Variants in HS2ST1 observed in about 807,000 individuals in gnomAD.
HS2ST1 encodes 2-O-sulfotransferase.
A neutral mutation model predicts 42.9 loss-of-function variants in HS2ST1; 18 were observed. The observed-to-expected ratio is 0.42, with a 90% CI of 0.29 to 0.62. The LOEUF (loss-of-function observed/expected upper bound fraction) is 0.62. Ranked by LOEUF, HS2ST1 falls within the 20% of genes least tolerant of loss-of-function variation. HS2ST1 has a pLI of 0.21. For synonymous variants in HS2ST1, 146 were observed against 152.9 expected, an observed-to-expected ratio of 0.95 and a Z score of 0.33; for missense variants, 334 against 433.8, an observed-to-expected ratio of 0.77 and a Z score of 2.04.
At chr1:86,984,995 G>T (rs1648713803) in intron 1 of HS2ST1, among the ~76,000 whole-genome samples, 1 of 151,376 alleles carries the variant, frequency 6.6e-6, no homozygotes, top group South Asian at 2.1e-4. Context: ...AAAGTATCCT[G>T]TTAGCATTTA....
intron 1 of HS2ST1, among the ~76,000 whole-genome samples, chr1:87,008,006 G>C (rs1649491068): frequency 6.6e-6 from 1 of 152,018 alleles, no homozygotes; most frequent in South Asian, 2.1e-4. Flanking sequence ...GGTATATAGT[G>C]GGTATAAAAT....
intron 5 of HS2ST1, among the ~76,000 whole-genome samples, chr1:87,101,149 GTTT>G (rs1177785858): frequency 4.7e-4 from 28 of 59,556 alleles, no homozygotes; most frequent in African/African-American, 1.8e-3. Flanking sequence ...GTGTGTGTGT[GTTT>G]TTTGTTTTTT....
chr1:86,963,861 G>T (rs1570450088), intron 1 of HS2ST1, among the ~76,000 whole-genome samples: 1 of 148,774 alleles, frequency 6.7e-6, no homozygotes, highest in South Asian at 2.1e-4. Flanking sequence ...CGCCCGGACG[G>T]GGTGGCTGGC....
intron 1 of HS2ST1, among the ~76,000 whole-genome samples, chr1:86,945,701 G>A (rs1647311903): frequency 1.3e-5 from 2 of 152,154 alleles, no homozygotes; most frequent in South Asian, 4.1e-4. Flanking sequence ...GGCATCGGAA[G>A]AACTTCAAAT....
At chr1:87,092,440 C>A in intron 3 of HS2ST1, 91 bp from the exon 4 acceptor site, 2 of 713,648 alleles carry the variant, frequency 2.8e-6, no homozygotes, top group South Asian at 4.4e-5. Flanking sequence ...CCTTATAGGA[C>A]CAGTACTTCA....
At chr1:86,974,142 T>C (rs1019910220) in intron 1 of HS2ST1, among the ~76,000 whole-genome samples, 2 of 152,092 alleles carry the variant, frequency 1.3e-5, no homozygotes, top group African/African-American at 4.8e-5. Context: ...TCTAATGGGG[T>C]GACACTTGGG....
At chr1:87,045,734 A>C (rs1186095309) in intron 1 of HS2ST1, 2 of 899,632 alleles carry the variant, frequency 2.2e-6, no homozygotes, top group Non-Finnish European at 3.7e-6. Context: ...TATCAAATCT[A>C]CTCTTCATAT....
At position 87,072,468 on chromosome 1, in the gene HS2ST1, A is replaced by G. The variant is rs184426511; in HGVS notation, c.125-466A>G. ...TAATTTCTCTTTTAAGTGCATTTTT[A>G]TACTGTGAAGTTTAGTATTCCATGC... On this transcript the variant is annotated intron_variant, in intron 1 of 6. Transcript: ENST00000370550. 8.8e-5 allele frequency among the ~76,000 whole-genome samples: 13 copies of G among 148,032 alleles called. No individual in the cohort carries two copies. In the East Asian group the frequency reaches 2.7e-3, roughly 30 times the overall value.
At chr1:87,038,733 T>C (rs756412316) in intron 1 of HS2ST1, among the ~76,000 whole-genome samples, 5 of 152,160 alleles carry the variant, frequency 3.3e-5, no homozygotes, top group African/African-American at 4.8e-5. Flanking sequence ...TGTTTTAACT[T>C]ACATATACGT....
chr1:86,959,270 C>A (rs765461346), intron 1 of HS2ST1, among the ~76,000 whole-genome samples: 2 of 152,088 alleles, frequency 1.3e-5, no homozygotes. Flanking sequence ...AAAGGTATAC[C>A]GATTGAGAAG....
chr1:87,033,289 A>G (rs1239041080), intron 1 of HS2ST1, among the ~76,000 whole-genome samples: 1 of 152,200 alleles, frequency 6.6e-6, no homozygotes, highest in Non-Finnish European at 1.5e-5. Flanking sequence ...CCTCAAGGGA[A>G]TTATCAAAAC....
intron 1 of HS2ST1, among the ~76,000 whole-genome samples, chr1:87,028,299 C>T (rs545745219): frequency 2.5e-4 from 38 of 152,338 alleles, no homozygotes; most frequent in African/African-American, 8.7e-4. Context: ...GACTCAAGGC[C>T]AACTCAGAGC....
In HS2ST1 at chr1:87,084,177, G is replaced by A; in HGVS notation, c.364-17G>A. 6.8e-7 allele frequency: 1 copy of A among 1,475,112 alleles called. No homozygotes were observed. The allele number at this position is 1,475,112 out of a possible 1,614,324, so 91.4% of individuals were successfully genotyped here. A position where few individuals can be genotyped will look rare whatever the true frequency, so the allele number is the denominator to read the frequency against. ...TTTCTTTAAATTGTATATAATGAAT[G>A]TGTTCTCCCTTTTTAGGTGCGCTTT... is the stretch of plus-strand genomic sequence containing the variant. On this transcript the variant is annotated splice_polypyrimidine_tract_variant and intron_variant, in intron 2 of 6. Coordinates refer to ENST00000370550, the MANE Select transcript of HS2ST1 (RefSeq NM_012262.4).
chr1:87,062,246 G>C (rs952404732), intron 1 of HS2ST1, among the ~76,000 whole-genome samples: 1 of 150,668 alleles, frequency 6.6e-6, no homozygotes, highest in Non-Finnish European at 1.5e-5. Context: ...TTTGTCTTCT[G>C]TTCTGTTTTT....
intron 1 of HS2ST1, among the ~76,000 whole-genome samples, chr1:86,932,020 C>A (rs952218057): frequency 6.6e-6 from 1 of 151,964 alleles, no homozygotes; most frequent in East Asian, 1.9e-4. Flanking sequence ...ATGATCCTCC[C>A]ATCTTAGCCT....
chr1:86,963,784 G>C (rs1471926952), intron 1 of HS2ST1, among the ~76,000 whole-genome samples: 3 of 142,542 alleles, frequency 2.1e-5, no homozygotes, highest in Non-Finnish European at 4.5e-5. Context: ...CTGGCCGGGT[G>C]GGGGCTGGCC....
chr1:87,019,787 G>A (rs2100586390), intron 1 of HS2ST1, among the ~76,000 whole-genome samples: 1 of 152,274 alleles, frequency 6.6e-6, no homozygotes, highest in South Asian at 2.1e-4. Context: ...ACATTCTAAT[G>A]AGAAAACATT....
chr1:87,060,290 A>C (rs1025578796), intron 1 of HS2ST1, among the ~76,000 whole-genome samples: 3 of 152,192 alleles, frequency 2.0e-5, no homozygotes, highest in Admixed American at 2.0e-4. Flanking sequence ...ATGCTTTTGC[A>C]ATCCCAAAAT....
At chr1:86,961,353 A>G (rs1557494729) in intron 1 of HS2ST1, among the ~76,000 whole-genome samples, 1 of 152,126 alleles carries the variant, frequency 6.6e-6, no homozygotes, top group Non-Finnish European at 1.5e-5. Flanking sequence ...CTATGATGAA[A>G]TTTTACTATA....
Sources: gnomAD v4.1 joint callset for allele counts (sites outside exome capture counted in the v4.1 genomes callset) on GRCh38, gnomAD v4.1.1 for gene constraint, MANE v1.5 for transcripts, NCBI Gene and HGNC (gene_info 2026-07-23, HGNC 2026-07-21) for gene names.